The following PFDN1 variants were observed in gnomAD, a reference collection of about 807,000 sequenced individuals.
The protein encoded by PFDN1 is prefoldin subunit 1.
A neutral mutation model predicts 17.3 loss-of-function variants in PFDN1; 6 were observed. The ratio of observed to expected loss-of-function variants is 0.35; its 90% confidence interval spans 0.19 to 0.69. PFDN1 has a LOEUF of 0.69. PFDN1 is among the 30% of genes least tolerant of loss of function. PFDN1 has a pLI of 0.65. For missense variants in PFDN1, 113 were observed against 146.2 expected (o/e 0.77, Z 1.17); for synonymous variants, 58 against 50.1 (o/e 1.16, Z -0.67).
intron 3 of PFDN1, among the ~76,000 whole-genome samples, chr5:140,256,404 C>T (rs1764985854): frequency 6.6e-6 from 1 of 151,824 alleles, no homozygotes. Flanking sequence ...ACAACAAAAC[C>T]AATACTCTCA....
intron 3 of PFDN1, among the ~76,000 whole-genome samples, chr5:140,270,568 T>C (rs1765191977): frequency 6.6e-6 from 1 of 152,180 alleles, no homozygotes; most frequent in Admixed American, 6.5e-5. Context: ...GGTATATCAA[T>C]GTGTGTGTTA....
chr5:140,256,750 C>A, intron 3 of PFDN1, among the ~76,000 whole-genome samples: 1 of 150,962 alleles, frequency 6.6e-6, no homozygotes, highest in East Asian at 1.9e-4. Context: ...AATCCCCACA[C>A]CTTCCATCCA....
At chr5:140,260,659 A>T (rs1175088689) in intron 3 of PFDN1, among the ~76,000 whole-genome samples, 1 of 150,856 alleles carries the variant, frequency 6.6e-6, no homozygotes, top group Non-Finnish European at 1.5e-5. Flanking sequence ...ACAGATAGAA[A>T]ACAGATTCAT....
At chr5:140,299,611 AT>A (rs1365026112) in intron 2 of PFDN1, among the ~76,000 whole-genome samples, 3 of 151,870 alleles carry the variant, frequency 2.0e-5, no homozygotes, top group Admixed American at 6.6e-5. Context: ...AAAAAAAAAA[AT>A]GTACTTTAAA....
At chr5:140,260,878 C>T (rs748763081) in intron 3 of PFDN1, among the ~76,000 whole-genome samples, 1 of 151,786 alleles carries the variant, frequency 6.6e-6, no homozygotes, top group South Asian at 2.1e-4. Flanking sequence ...AGACAGGACA[C>T]GGGCCGGGCA....
intron 1 of PFDN1, 47 bp from the exon 2 acceptor site, chr5:140,300,629 A>C: frequency 7.5e-7 from 1 of 1,330,440 alleles, no homozygotes; most frequent in Non-Finnish European, 1.0e-6. Context: ...ATTTTACAGG[A>C]AACATTTACC....
chr5:140,274,884 T>G (rs1046667822), intron 3 of PFDN1, among the ~76,000 whole-genome samples: 1 of 151,578 alleles, frequency 6.6e-6, no homozygotes, highest in Non-Finnish European at 1.5e-5. Context: ...TCCCAGCTAC[T>G]TGGGAGGCTG....
chr5:140,253,480 G>T (rs1054342084), intron 3 of PFDN1, among the ~76,000 whole-genome samples: 2 of 152,152 alleles, frequency 1.3e-5, no homozygotes, highest in Non-Finnish European at 2.9e-5. Context: ...TGAGGTTTAG[G>T]TGAGTTCTAC....
chr5:140,261,385 G>A (rs1013922404), intron 3 of PFDN1, among the ~76,000 whole-genome samples: 30 of 152,284 alleles, frequency 2.0e-4, no homozygotes, highest in Non-Finnish European at 3.1e-4. Flanking sequence ...CATTTAATGA[G>A]TTAATAAGGT....
At chr5:140,270,898 C>G (rs552478143) in intron 3 of PFDN1, among the ~76,000 whole-genome samples, 1 of 152,086 alleles carries the variant, frequency 6.6e-6, no homozygotes, top group East Asian at 1.9e-4. Flanking sequence ...TGCACTCCAG[C>G]CTGGGTGACA....
chr5:140,254,042 C>G lies in PFDN1; in HGVS notation c.286-7985G>C, dbSNP rs1764952639. ...TAAATCAGGAGTCAGCAAACTTTTT[C>G]TATAAAGGGCCAGATAATAAATATT... On this transcript the variant is annotated intron_variant, in intron 3 of 3. Coordinates refer to ENST00000261813, the MANE Select transcript of PFDN1 (RefSeq NM_002622.5). The surrounding 1 kb of genome is among the most constrained non-coding windows in gnomAD (Gnocchi z 4.4). Among the ~76,000 whole-genome samples the G allele has an allele frequency of 6.6e-6, 1 of 152,164 alleles. No individual in the cohort carries two copies. The highest frequency in any genetic ancestry group is 6.5e-5 in the Admixed American group (1 of 15,280).
chr5:140,264,313 A>C (rs1424501136), intron 3 of PFDN1, among the ~76,000 whole-genome samples: 1 of 152,178 alleles, frequency 6.6e-6, no homozygotes, highest in Non-Finnish European at 1.5e-5. Flanking sequence ...ACAAACATCC[A>C]AACCATACCA....
Position 140,272,709 on chromosome 5 carries a change from T to C in PFDN1, c.285+8740A>G, listed in dbSNP as rs113121675. On this transcript the variant is annotated intron_variant, in intron 3 of 3. Coordinates refer to ENST00000261813, the MANE Select transcript of PFDN1 (RefSeq NM_002622.5). ...ATAATTATCACAAAAGTTAGGGAAG[T>C]AGTTACTTGATGGGAGAGGCAGGCA... 3.9e-5 allele frequency among the ~76,000 whole-genome samples: 6 copies of C among 152,172 alleles called. 1 individual carries two copies. The highest frequency in any genetic ancestry group is 1.4e-4 in the African/African-American group (6 of 41,528).
At chr5:140,289,865 T>C (rs1035082063) in intron 2 of PFDN1, among the ~76,000 whole-genome samples, 1 of 152,140 alleles carries the variant, frequency 6.6e-6, no homozygotes, top group African/African-American at 2.4e-5. Flanking sequence ...TCCTTATATT[T>C]CTAATTTATC....
intron 3 of PFDN1, among the ~76,000 whole-genome samples, chr5:140,255,798 T>TA (rs1764977239): frequency 1.3e-5 from 2 of 152,156 alleles, no homozygotes; most frequent in South Asian, 4.1e-4. Flanking sequence ...GGCAAACCAT[T>TA]AAAAAACCCT....
chr5:140,299,624 T>G (rs1254357145), intron 2 of PFDN1, among the ~76,000 whole-genome samples: 3 of 151,366 alleles, frequency 2.0e-5, no homozygotes, highest in Non-Finnish European at 4.4e-5. Context: ...TACTTTAAAG[T>G]CTAAACTTAA....
intron 2 of PFDN1, among the ~76,000 whole-genome samples, chr5:140,288,319 A>G (rs1277497948): frequency 6.6e-6 from 1 of 152,222 alleles, no homozygotes. Context: ...GAAAGGCTAT[A>G]TATTGCATCA....
chr5:140,273,199 C>T (rs986337122), intron 3 of PFDN1, among the ~76,000 whole-genome samples: 3 of 149,296 alleles, frequency 2.0e-5, no homozygotes, highest in Non-Finnish European at 3.0e-5. Flanking sequence ...GAGCCGAGAT[C>T]GTGCCACTGC....
intron 3 of PFDN1, among the ~76,000 whole-genome samples, chr5:140,248,155 G>A (rs1764859497): frequency 6.8e-6 from 1 of 147,146 alleles, no homozygotes; most frequent in South Asian, 2.2e-4. Context: ...TGCAACCTCC[G>A]CCTCCCGGGT....
Sources: gnomAD v4.1 joint callset for allele counts (sites outside exome capture counted in the v4.1 genomes callset) on GRCh38, gnomAD v4.1.1 for gene constraint, Gnocchi (gnomAD v3.1) non-coding constraint, MANE v1.5 for transcripts, NCBI Gene and HGNC (gene_info 2026-07-23, HGNC 2026-07-21) for gene names.